NXN: variants seen among roughly 807,000 people sequenced by gnomAD.
NXN encodes nucleoredoxin.
A neutral mutation model predicts 48.6 loss-of-function variants in NXN; 16 were observed. That is an observed-to-expected ratio of 0.33 (90% CI 0.22 to 0.50). NXN has a LOEUF of 0.50. NXN is among the 20% of genes least tolerant of loss of function. NXN has a pLI of 0.98. For synonymous variants in NXN, 281 were observed against 269.6 expected (o/e 1.04, Z -0.41); for missense variants, 492 against 605.5 (o/e 0.81, Z 1.97).
intron 1 of NXN, among the ~76,000 whole-genome samples, chr17:898,278 C>T (rs1462330186): frequency 1.3e-5 from 2 of 152,128 alleles, no homozygotes; most frequent in African/African-American, 4.8e-5. Flanking sequence ...GGGGGAAAAA[C>T]TGCCCCAGTT....
chr17:928,630 G>A (rs1288378488), intron 1 of NXN, among the ~76,000 whole-genome samples: 2 of 152,228 alleles, frequency 1.3e-5, no homozygotes. Flanking sequence ...GAGGTCAGGA[G>A]TTTGAGACCA....
chr17:809,896 T>C (rs78593144), intron 5 of NXN, among the ~76,000 whole-genome samples: 14,159 of 115,898 alleles, frequency 0.12, 1,535 homozygotes, highest in East Asian at 0.2. Context: ...ACGTTAAGAG[T>C]CCCTGTGAGT....
chr17:825,391 TCTCA>T lies in NXN; in HGVS notation c.478+566_478+569del, dbSNP rs1913045519. ...AGGGGAGGAGATCTCACAGCCCTGT[TCTCA>T]CTCACTGCCAGAGGGAAAGACGCCA... is the stretch of plus-strand genomic sequence containing the variant. On this transcript the variant is annotated intron_variant, in intron 2 of 7. Coordinates refer to ENST00000336868, the MANE Select transcript of NXN (RefSeq NM_022463.5). The surrounding 1 kb of genome is among the most constrained non-coding windows in gnomAD (Gnocchi z 4.1). 6.6e-6 allele frequency among the ~76,000 whole-genome samples: 1 copy of T among 152,158 alleles called. No homozygotes were observed. The highest frequency in any genetic ancestry group is 2.4e-5 in the African/African-American group (1 of 41,434).
At chr17:899,591 C>T (rs139468883) in intron 1 of NXN, among the ~76,000 whole-genome samples, 12 of 152,264 alleles carry the variant, frequency 7.9e-5, no homozygotes, top group East Asian at 1.9e-4. Flanking sequence ...CAGGAATTAG[C>T]GCTGAGCCTT....
At chr17:886,607 T>C (rs1291186314) in intron 1 of NXN, among the ~76,000 whole-genome samples, 1 of 152,046 alleles carries the variant, frequency 6.6e-6, no homozygotes, top group African/African-American at 2.4e-5. Flanking sequence ...TGAAACCCCA[T>C]CTCTACTAAA....
intron 1 of NXN, among the ~76,000 whole-genome samples, chr17:852,831 TTTAATGCAG>T (rs11280143): frequency 0.018 from 2,685 of 152,222 alleles, 82 homozygotes; most frequent in African/African-American, 0.062. Context: ...ACCAGAAGTG[TTTAATGCAG>T]CATTTCCTCA....
chr17:851,853 T>C (rs1470492497), intron 1 of NXN, among the ~76,000 whole-genome samples: 3 of 152,220 alleles, frequency 2.0e-5, no homozygotes, highest in Non-Finnish European at 4.4e-5. Context: ...GTGATCTGTC[T>C]CGCGTTGCCT....
At chr17:807,420 G>A (rs573873774) in intron 5 of NXN, among the ~76,000 whole-genome samples, 26 of 152,346 alleles carry the variant, frequency 1.7e-4, no homozygotes, top group Admixed American at 9.1e-4. Context: ...GGACGGGGAG[G>A]GAGGAGAAGC....
intron 1 of NXN, among the ~76,000 whole-genome samples, chr17:874,412 C>T (rs2068192592): frequency 6.6e-6 from 1 of 152,104 alleles, no homozygotes; most frequent in African/African-American, 2.4e-5. Flanking sequence ...GGTGAAACCC[C>T]ACCTCTGCTA....
chr17:955,514 C>T (rs2069156818), intron 1 of NXN, among the ~76,000 whole-genome samples: 1 of 151,338 alleles, frequency 6.6e-6, no homozygotes, highest in Non-Finnish European at 1.5e-5. Flanking sequence ...CTGACAGACA[C>T]TGGTTGGACT....
chr17:812,883 CATGTGAA>C (rs1912219095), intron 5 of NXN, among the ~76,000 whole-genome samples: 5 of 126,800 alleles, frequency 3.9e-5, no homozygotes, highest in East Asian at 2.5e-4. Context: ...TGTGTGCGCA[CATGTGAA>C]TGTAGGTGTG....
intron 3 of NXN, among the ~76,000 whole-genome samples, chr17:822,680 G>A (rs1912882046): frequency 6.6e-6 from 1 of 152,098 alleles, no homozygotes; most frequent in Admixed American, 6.5e-5. Context: ...AACACAGCAA[G>A]ACCTAGCCTC....
At position 958,581 on chromosome 17, in the gene NXN, G is replaced by A. The variant is rs1009721098; in HGVS notation, c.360+20738C>T. Reference sequence around the variant, plus strand: ...AGGTCAGGAGTTCGAGACCAGCCTGGCCAACATGGTGAAACCCCATCTGTA... The same window carrying A: ...AGGTCAGGAGTTCGAGACCAGCCTGACCAACATGGTGAAACCCCATCTGTA... On this transcript the variant is annotated intron_variant, in intron 1 of 7. Transcript: ENST00000336868. The surrounding 1 kb of genome is among the most constrained non-coding windows in gnomAD (Gnocchi z 6.9). Among the ~76,000 whole-genome samples the A allele has an allele frequency of 6.6e-6, 1 of 152,130 alleles. No homozygotes were observed. The highest frequency in any genetic ancestry group is 1.5e-5 in the Non-Finnish European group (1 of 68,028).
chr17:926,594 G>A (rs2068802561), intron 1 of NXN, among the ~76,000 whole-genome samples: 1 of 148,690 alleles, frequency 6.7e-6, no homozygotes, highest in Admixed American at 6.7e-5. Flanking sequence ...CGCCCAGGCT[G>A]GAGTGCAGTG....
intron 1 of NXN, among the ~76,000 whole-genome samples, chr17:836,117 G>A (rs1913812070): frequency 7.2e-6 from 1 of 139,000 alleles, no homozygotes; most frequent in Non-Finnish European, 1.5e-5. Flanking sequence ...CCCCCACAGA[G>A]GCCGCAGGGG....
chr17:801,965 TTACGCTGCC>T (rs1911237834), intron 7 of NXN, among the ~76,000 whole-genome samples: 1 of 152,194 alleles, frequency 6.6e-6, no homozygotes, highest in Non-Finnish European at 1.5e-5. Context: ...CTGTGGAAGC[TTACGCTGCC>T]TCACTACTTA....
chr17:951,174 TTA>T (rs1491373809), intron 1 of NXN, among the ~76,000 whole-genome samples: 747 of 67,492 alleles, frequency 0.011, 130 homozygotes, highest in African/African-American at 0.04. Context: ...CTGTCTCTAC[TTA>T]AAAAAAAAAA....
At chr17:852,212 A>G (rs2067931103) in intron 1 of NXN, among the ~76,000 whole-genome samples, 1 of 152,214 alleles carries the variant, frequency 6.6e-6, no homozygotes, top group Admixed American at 6.5e-5. Context: ...CTCTTCTGCC[A>G]TCCGGGGGCA....
chr17:896,035 T>C (rs1034151925), intron 1 of NXN, among the ~76,000 whole-genome samples: 4 of 150,886 alleles, frequency 2.7e-5, no homozygotes, highest in Admixed American at 2.6e-4. Flanking sequence ...AGAGCAAGAC[T>C]ATCTCTACAA....
Sources: allele counts gnomAD v4.1 joint callset (sites outside exome capture counted in the v4.1 genomes callset), GRCh38; gene constraint gnomAD v4.1.1; non-coding constraint Gnocchi (gnomAD v3.1); transcripts MANE v1.5; gene names NCBI Gene and HGNC (gene_info 2026-07-23, HGNC 2026-07-21).